The following ATR variants were observed in gnomAD, a reference collection of about 807,000 sequenced individuals.
ATR encodes ATR checkpoint kinase.
Under a neutral mutation model 305.3 loss-of-function variants are expected in ATR, and 142 were observed. The observed-to-expected ratio is 0.47, with a 90% CI of 0.41 to 0.53. The LOEUF is 0.53. Ranked by LOEUF, ATR falls within the 20% of genes least tolerant of loss-of-function variation. ATR has a pLI of 0.00. For missense variants in ATR, 2,135 were observed against 3,133.1 expected (o/e 0.68, Z 7.60); for synonymous variants, 1,050 against 1,068.1 (o/e 0.98, Z 0.33).
intron 15 of ATR, 93 bp from the exon 16 acceptor site, chr3:142,548,003 G>C: frequency 9.1e-7 from 1 of 1,101,204 alleles, no homozygotes; most frequent in South Asian, 1.3e-5. Flanking sequence ...AGTACATCAG[G>C]AGCTCTAGCC....
intron 19 of ATR, among the ~76,000 whole-genome samples, chr3:142,536,652 C>A (rs372512216): frequency 6.6e-6 from 1 of 152,254 alleles, no homozygotes; most frequent in South Asian, 2.1e-4. Context: ...GAGAGACAGA[C>A]TGTGAGACTA....
chr3:142,578,576 G>A lies in ATR; in HGVS notation c.59+70C>T. On this transcript the variant is annotated intron_variant, in intron 1 of 46. Coordinates refer to ENST00000350721, the MANE Select transcript of ATR (RefSeq NM_001184.4). ...CCCAGCCATAGCGCAGCAGGGGAGG[G>A]GAGAGCACGTGAAACCCAAGCCGGA... 6.6e-6 allele frequency: 10 copies of A among 1,519,138 alleles called. No individual in the cohort carries two copies. The South Asian group carries it at 9.5e-5, about 14-fold the overall frequency. The allele number at this position is 1,519,138 out of a possible 1,614,324, so 94.1% of individuals were successfully genotyped here.
At chr3:142,483,703 G>A (rs1577545968) in intron 36 of ATR, among the ~76,000 whole-genome samples, 1 of 152,050 alleles carries the variant, frequency 6.6e-6, no homozygotes, top group African/African-American at 2.4e-5. Flanking sequence ...TGGGTGTGGT[G>A]GCACACGCCT....
intron 16 of ATR, among the ~76,000 whole-genome samples, chr3:142,546,655 A>C (rs946668219): frequency 6.6e-6 from 1 of 152,238 alleles, no homozygotes; most frequent in Admixed American, 6.5e-5. Flanking sequence ...ACAGGGAAAA[A>C]GCCAGTAAAG....
chr3:142,514,314 A>G (rs961482804), intron 25 of ATR, among the ~76,000 whole-genome samples: 1 of 151,444 alleles, frequency 6.6e-6, no homozygotes, highest in Non-Finnish European at 1.5e-5. Flanking sequence ...TAGTATAATG[A>G]TATTTTAAAA....
chr3:142,449,462 G>A lies in ATR; in HGVS notation c.7902C>T (p.Cys2634=), dbSNP rs553715098. ...ATGGAGTCCAACCAAGATACATCTG[G>A]CATAGTAAGTTTTCATCAGTAGCTT... The part of the protein sequence containing the change: ...IQEATDENLL[C]QMYLGWTPYM The change falls in exon 47 of 47, where the codon TGC becomes TGT. Residue 2634 remains cysteine, a synonymous_variant. Coordinates refer to ENST00000350721, the MANE Select transcript of ATR (RefSeq NM_001184.4). 126 of 1,611,972 alleles carry A rather than the reference G, an allele frequency of 7.8e-5. No individual in the cohort carries two copies. The highest frequency in any genetic ancestry group is 6.6e-4 in the South Asian group (60 of 91,034).
At chr3:142,559,904 A>G (rs2034815626) in intron 6 of ATR, among the ~76,000 whole-genome samples, 1 of 152,196 alleles carries the variant, frequency 6.6e-6, no homozygotes, top group African/African-American at 2.4e-5. Context: ...TTCAACAGCC[A>G]AACACTGGGT....
In ATR at chr3:142,467,915, A is replaced by C; in HGVS notation, c.6687+19T>G. On this transcript the variant is annotated intron_variant, in intron 39 of 46. Coordinates refer to ENST00000350721, the MANE Select transcript of ATR (RefSeq NM_001184.4). ...AATTACCCAACATCAGTTTATAAGC[A>C]CTAAGATTATGATAGTACCGGTTTA... 1 of 1,611,466 alleles carries C rather than the reference A, an allele frequency of 6.2e-7. No individual in the cohort carries two copies. The highest frequency in any genetic ancestry group is 8.5e-7 in the Non-Finnish European group (1 of 1,178,826).
intron 13 of ATR, among the ~76,000 whole-genome samples, chr3:142,552,526 C>G (rs1243452165): frequency 2.0e-5 from 3 of 151,796 alleles, no homozygotes; most frequent in Admixed American, 6.6e-5. Flanking sequence ...AAAAATTAGC[C>G]AGGCATGGTG....
intron 29 of ATR, 134 bp downstream of exon 29, chr3:142,505,005 C>G: frequency 9.2e-7 from 1 of 1,091,618 alleles, no homozygotes; most frequent in Non-Finnish European, 1.3e-6. Context: ...GATCATGCCA[C>G]TGCACTCCAG....
chr3:142,507,199 C>A (rs745692901), intron 28 of ATR, among the ~76,000 whole-genome samples: 3 of 152,064 alleles, frequency 2.0e-5, no homozygotes, highest in Non-Finnish European at 4.4e-5. Flanking sequence ...AAAAGCCCAC[C>A]AATCTTGAGC....
intron 21 of ATR, among the ~76,000 whole-genome samples, chr3:142,528,879 A>ATATAT (rs1215767510): frequency 2.0e-4 from 6 of 30,486 alleles, no homozygotes; most frequent in Admixed American, 1.1e-3. Context: ...ATATATATAT[A>ATATAT]TTTTTTTTTT....
intron 28 of ATR, 125 bp downstream of exon 28, chr3:142,507,806 C>G: frequency 1.1e-6 from 1 of 894,708 alleles, no homozygotes. Context: ...TGATGTTTAT[C>G]TCTCCCCACT....
At chr3:142,486,009 C>A (rs997129135) in intron 35 of ATR, among the ~76,000 whole-genome samples, 9 of 152,228 alleles carry the variant, frequency 5.9e-5, no homozygotes, top group Non-Finnish European at 1.0e-4. Context: ...CCCTTGACTT[C>A]TGTGAGGCCA....
intron 13 of ATR, 67 bp downstream of exon 13, chr3:142,553,160 T>A: frequency 1.3e-6 from 2 of 1,537,316 alleles, no homozygotes; most frequent in African/African-American, 1.4e-5. Flanking sequence ...GTATAAATAT[T>A]CTTCTTTTTT....
intron 1 of ATR, among the ~76,000 whole-genome samples, chr3:142,568,785 G>T (rs11707731): frequency 0.16 from 24,529 of 152,236 alleles, 2,235 homozygotes; most frequent in Admixed American, 0.21. Flanking sequence ...GCAAAGTTGT[G>T]GGGGAGCCCA....
At position 142,544,452 on chromosome 3, in the gene ATR, CAAAAAA is replaced by C. The variant is rs57120276; in HGVS notation, c.3358-1701_3358-1696del. On this transcript the variant is annotated intron_variant, in intron 16 of 46. Coordinates refer to ENST00000350721, the MANE Select transcript of ATR (RefSeq NM_001184.4). The stretch of plus-strand genomic sequence containing the variant: ...GGGTGACAGAGCAAAATCCTGCCTC[CAAAAAA>C]AAAAAAAAAAAAAAAAAAAAAAGAT... Among the ~76,000 whole-genome samples the C allele has an allele frequency of 1.5e-3, 28 of 18,974 alleles. 1 individual carries two copies. Among genetic ancestry groups the C allele is most frequent in the Middle Eastern group, 0.05 (1 of 20 alleles). The allele number at this position is 18,974 out of a possible 152,430, so 12.4% of individuals were successfully genotyped here.
At chr3:142,562,114 C>CA in intron 4 of ATR, 118 bp downstream of exon 4, 2 of 1,139,812 alleles carry the variant, frequency 1.8e-6, no homozygotes, top group Non-Finnish European at 2.5e-6. Flanking sequence ...CATTATGTTC[C>CA]AAATATAAAT....
Position 142,549,527 on chromosome 3 carries a change from G to C in ATR, c.3123C>G (p.Val1041=). 1 of 1,610,696 alleles carries C rather than the reference G, an allele frequency of 6.2e-7. No homozygotes were observed. Among genetic ancestry groups the C allele is most frequent in the Non-Finnish European group, 8.5e-7 (1 of 1,177,950 alleles). Residue 1041 remains valine (V), a synonymous_variant, in exon 15 of 47, where the codon GTC becomes GTG. Coordinates refer to ENST00000350721, the MANE Select transcript of ATR (RefSeq NM_001184.4). ...CTAATTCATCTTTGGAACAAGAACAGACCAAATGAGAAAAAATATATTTGA... is the reference window on the plus strand; with the variant it reads ...CTAATTCATCTTTGGAACAAGAACACACCAAATGAGAAAAAATATATTTGA... The part of the protein sequence containing the change: ...NNFKYIFSHL[V]CSCSKDELER...
Sources: allele counts gnomAD v4.1 joint callset (sites outside exome capture counted in the v4.1 genomes callset), GRCh38; gene constraint gnomAD v4.1.1; transcripts MANE v1.5; gene names NCBI Gene and HGNC (gene_info 2026-07-23, HGNC 2026-07-21).